The following A1CF variants were observed in gnomAD, a reference collection of about 807,000 sequenced individuals.
A1CF encodes the protein APOBEC1 complementation factor.
A neutral mutation model predicts 68.9 loss-of-function variants in A1CF; 48 were observed. The observed-to-expected ratio is 0.70, with a 90% CI of 0.55 to 0.89. The LOEUF is 0.89. Ranked by LOEUF, A1CF falls within the 40% of genes least tolerant of loss-of-function variation. The probability of loss-of-function intolerance (pLI) is 0.00; values close to 1 mark genes in which losing one functional copy is unlikely to be tolerated. For synonymous variants in A1CF, 272 were observed against 260.4 expected, an observed-to-expected ratio of 1.04 and a Z score of -0.43; for missense variants, 653 against 718.9, an observed-to-expected ratio of 0.91 and a Z score of 1.05.
In A1CF at chr10:50,850,582, C is replaced by G; in HGVS notation, c.100-6460G>C. 3 of 1,542,114 alleles carry G rather than the reference C, an allele frequency of 1.9e-6. No individual in the cohort carries two copies. The East Asian group carries it at 6.8e-5, about 35-fold the overall frequency. ...TCGAGTGTTTTTCAAAATTAGAAAACAAAAAGCATTTGTGTGTGTGTGTGT... is the reference window on the plus strand; with the variant it reads ...TCGAGTGTTTTTCAAAATTAGAAAAGAAAAAGCATTTGTGTGTGTGTGTGT... On this transcript the variant is annotated intron_variant, in intron 3 of 12. Transcript: ENST00000373997.
At chr10:50,846,185 G>A (rs976522076) in intron 3 of A1CF, among the ~76,000 whole-genome samples, 10 of 152,102 alleles carry the variant, frequency 6.6e-5, no homozygotes, top group African/African-American at 2.4e-4. Context: ...ATGGGTATAC[G>A]AAATCGTTAA....
intron 3 of A1CF, among the ~76,000 whole-genome samples, chr10:50,858,211 A>G (rs1335652411): frequency 6.6e-6 from 1 of 152,170 alleles, no homozygotes; most frequent in Non-Finnish European, 1.5e-5. Flanking sequence ...CTAGTTTGGA[A>G]TAACATCAAT....
chr10:50,859,626 A>C (rs774366135), intron 3 of A1CF, among the ~76,000 whole-genome samples: 1 of 152,218 alleles, frequency 6.6e-6, no homozygotes. Context: ...ATTCTGTGAC[A>C]AGTTAAGGTT....
In A1CF at chr10:50,805,836, A is replaced by G. The variant is rs1339531495; in HGVS notation, c.*893T>C. The G allele has an allele frequency of 6.6e-6, 1 of 152,236 alleles. No homozygotes were observed. The highest frequency in any genetic ancestry group is 1.5e-5 in the Non-Finnish European group (1 of 68,034). 9.4% of individuals were successfully genotyped at this position (152,236 alleles called of 1,614,324 possible). A position where few individuals can be genotyped will look rare whatever the true frequency, so the allele number is the denominator to read the frequency against. ...AGTCAATTTGCTGAAAGGAAGAAGT[A>G]TCATAAATGATATTCTGTATATCTG... On this transcript the variant is annotated 3_prime_UTR_variant, in exon 13 of 13. Coordinates refer to ENST00000373997, the MANE Select transcript of A1CF (RefSeq NM_014576.4).
At chr10:50,826,665 G>C (rs976070572) in intron 7 of A1CF, among the ~76,000 whole-genome samples, 3 of 152,124 alleles carry the variant, frequency 2.0e-5, no homozygotes, top group East Asian at 1.9e-4. Flanking sequence ...CAGTACCAGC[G>C]ACTGCAAAAA....
rs1838538389 is a variant in A1CF, at chr10:50,819,495, G to A, written c.867+1057C>T. ...ATTTCTATTAATTCTCCAGCCCCTTGTACCTTTGACTCCAGAATGCTGTGA... is the reference window on the plus strand; with the variant it reads ...ATTTCTATTAATTCTCCAGCCCCTTATACCTTTGACTCCAGAATGCTGTGA... On this transcript the variant is annotated intron_variant, in intron 8 of 12. Coordinates refer to ENST00000373997, the MANE Select transcript of A1CF (RefSeq NM_014576.4). 3.9e-5 allele frequency among the ~76,000 whole-genome samples: 6 copies of A among 152,162 alleles called. No individual in the cohort carries two copies. In the South Asian group the frequency reaches 1.2e-3, roughly 32 times the overall value.
chr10:50,829,177 C>T (rs1026019473), intron 6 of A1CF, among the ~76,000 whole-genome samples: 2 of 152,040 alleles, frequency 1.3e-5, no homozygotes, highest in Non-Finnish European at 2.9e-5. Context: ...GAGAGGATAA[C>T]TTTCCCAGGC....
At chr10:50,884,670 T>C (rs1841926707) in intron 1 of A1CF, among the ~76,000 whole-genome samples, 1 of 152,228 alleles carries the variant, frequency 6.6e-6, no homozygotes, top group South Asian at 2.1e-4. Flanking sequence ...TTCATCTTCT[T>C]GGAGATATAC....
intron 1 of A1CF, among the ~76,000 whole-genome samples, chr10:50,869,915 C>T (rs1288222745): frequency 6.6e-6 from 1 of 151,600 alleles, no homozygotes; most frequent in Admixed American, 6.6e-5. Context: ...AGCTCTTGCT[C>T]ATAATATAAA....
In A1CF at chr10:50,805,242, T is replaced by C. The variant is rs1301976592; in HGVS notation, c.*1487A>G. On this transcript the variant is annotated 3_prime_UTR_variant, in exon 13 of 13. Coordinates refer to ENST00000373997, the MANE Select transcript of A1CF (RefSeq NM_014576.4). ...TATGTTTTCCTTTGTGTTCTGTAAA[T>C]TTTTTTAAGGGCCAAGGGATTTTAA... 6.6e-6 allele frequency: 1 copy of C among 152,208 alleles called. No individual in the cohort carries two copies. Among genetic ancestry groups the C allele is most frequent in the East Asian group, 1.9e-4 (1 of 5,200 alleles). The allele number at this position is 152,208 out of a possible 1,614,324, so 9.4% of individuals were successfully genotyped here. A position where few individuals can be genotyped will look rare whatever the true frequency, so the allele number is the denominator to read the frequency against.
intron 1 of A1CF, among the ~76,000 whole-genome samples, chr10:50,870,659 G>T (rs1336507438): frequency 1.3e-5 from 2 of 151,766 alleles, no homozygotes; most frequent in Non-Finnish European, 3.0e-5. Context: ...AATAACACCA[G>T]ATCCAGATGG....
At chr10:50,829,656 T>C (rs1038880888) in intron 6 of A1CF, among the ~76,000 whole-genome samples, 1 of 152,166 alleles carries the variant, frequency 6.6e-6, no homozygotes, top group East Asian at 1.9e-4. Flanking sequence ...TTTCAGGGGA[T>C]AGTTTTCTTC....
intron 8 of A1CF, among the ~76,000 whole-genome samples, chr10:50,817,572 T>C (rs1368773870): frequency 2.6e-5 from 4 of 152,172 alleles, no homozygotes; most frequent in Non-Finnish European, 5.9e-5. Flanking sequence ...CAATCTTATA[T>C]TGATGTTGAT....
chr10:50,839,082 T>G (rs756381318), intron 5 of A1CF, among the ~76,000 whole-genome samples: 2 of 152,092 alleles, frequency 1.3e-5, no homozygotes, highest in Non-Finnish European at 2.9e-5. Flanking sequence ...CCTCATGAGG[T>G]AGGTATATTT....
chr10:50,861,060 G>A lies in A1CF; in HGVS notation c.-45-1075C>T, dbSNP rs189168471. Reference sequence around the variant, plus strand: ...CTTTTGAAAATTTTCTGTCATATGCGTTGAGAATTCCTGTACTGCTTCACA... The same window carrying A: ...CTTTTGAAAATTTTCTGTCATATGCATTGAGAATTCCTGTACTGCTTCACA... On this transcript the variant is annotated intron_variant, in intron 2 of 12. Transcript: ENST00000373997. 9.1e-4 allele frequency among the ~76,000 whole-genome samples: 138 copies of A among 152,212 alleles called. 1 individual carries two copies. The highest frequency in any genetic ancestry group is 3.0e-3 in the African/African-American group (124 of 41,542).
intron 7 of A1CF, 45 bp from the exon 8 acceptor site, chr10:50,820,694 G>T (rs376931125): frequency 4.0e-6 from 6 of 1,509,308 alleles, no homozygotes; most frequent in Non-Finnish European, 5.5e-6. Flanking sequence ...AATTAAGAGA[G>T]CCTTGAAAGT....
At chr10:50,834,484 T>C (rs770833627) in intron 6 of A1CF, among the ~76,000 whole-genome samples, 4 of 152,212 alleles carry the variant, frequency 2.6e-5, no homozygotes, top group Admixed American at 6.5e-5. Flanking sequence ...TTGAGGTGTC[T>C]GTCCTGATAG....
intron 1 of A1CF, among the ~76,000 whole-genome samples, chr10:50,879,054 C>T (rs1293914419): frequency 2.6e-5 from 4 of 152,104 alleles, no homozygotes; most frequent in Non-Finnish European, 4.4e-5. Context: ...GTCTGTTAAG[C>T]GATTTTAGTC....
intron 3 of A1CF, among the ~76,000 whole-genome samples, chr10:50,859,211 A>G (rs1192279997): frequency 6.6e-6 from 1 of 152,200 alleles, no homozygotes; most frequent in Admixed American, 6.5e-5. Flanking sequence ...ATTTTTTTAA[A>G]TGCAGCATAA....
Sources: allele counts gnomAD v4.1 joint callset (sites outside exome capture counted in the v4.1 genomes callset), GRCh38; gene constraint gnomAD v4.1.1; transcripts MANE v1.5; gene names NCBI Gene and HGNC (gene_info 2026-07-23, HGNC 2026-07-21).